NT5C3A: variants seen among roughly 807,000 people sequenced by gnomAD.
NT5C3A encodes 5'-nucleotidase, cytosolic IIIA, also known as cytosolic 5'-nucleotidase 3A.
NT5C3A carries 23 observed loss-of-function variants against 40.0 expected under a neutral mutation model. That is an observed-to-expected ratio of 0.58 (90% CI 0.41 to 0.81). The LOEUF is 0.81. NT5C3A is among the 40% of genes least tolerant of loss of function. NT5C3A has a pLI of 0.00. For missense variants in NT5C3A, 328 were observed against 403.0 expected (o/e 0.81, Z 1.59); for synonymous variants, 130 against 141.4 (o/e 0.92, Z 0.57).
intron 1 of NT5C3A, among the ~76,000 whole-genome samples, chr7:33,034,792 TAG>T (rs147451110): frequency 6.6e-6 from 1 of 151,748 alleles, no homozygotes; most frequent in Admixed American, 6.6e-5. Context: ...AGAAAAAAGC[TAG>T]AGAGAAAGAG....
intron 1 of NT5C3A, 108 bp from the exon 2 acceptor site, chr7:33,027,023 A>G: frequency 1.4e-6 from 1 of 705,310 alleles, no homozygotes. Flanking sequence ...ATATTAAGGC[A>G]TTATTTTTAA....
At chr7:33,034,304 G>A (rs1786461132) in intron 1 of NT5C3A, among the ~76,000 whole-genome samples, 1 of 152,158 alleles carries the variant, frequency 6.6e-6, no homozygotes, top group African/African-American at 2.4e-5. Flanking sequence ...CTGAATAACT[G>A]TGGAGTGAAT....
intron 1 of NT5C3A, chr7:33,035,788 A>G (rs1040056065): frequency 4.2e-6 from 3 of 714,352 alleles, no homozygotes; most frequent in African/African-American, 1.8e-5. Context: ...ATTCAATTCA[A>G]TAAGTATTTG....
At chr7:33,042,877 C>T (rs7795860) in intron 1 of NT5C3A, among the ~76,000 whole-genome samples, 116,178 of 152,140 alleles carry the variant, frequency 0.76, 44,775 homozygotes, top group African/African-American at 0.86. Context: ...GGCCAATATT[C>T]AAATGTTCAC....
At chr7:33,049,969 C>CAAAAA (rs61035673) in intron 1 of NT5C3A, among the ~76,000 whole-genome samples, 10 of 58,454 alleles carry the variant, frequency 1.7e-4, no homozygotes, top group South Asian at 5.2e-4. Context: ...GACTCCATCT[C>CAAAAA]AAAAAAAAAA....
chr7:33,017,479 T>C lies in NT5C3A; in HGVS notation c.653A>G (p.Asn218Ser), dbSNP rs369175085. The change falls in exon 7 of 9, where the codon AAT becomes AGT. Residue 218 changes from asparagine (N) to serine (S), a missense_variant. By Grantham distance (46) the Asn-to-Ser change is conservative (BLOSUM62 1). Coordinates refer to ENST00000610140, the MANE Select transcript of NT5C3A (RefSeq NM_001002010.5). ...CATAAAATTGGACACAACTTTGACA[T>C]TGGGATGATAAACACCAGCTTGACG... is the stretch of plus-strand genomic sequence containing the variant. ...VIRQAGVYHP[N>S]VKVVSNFMDF... 102 of 1,613,460 alleles carry C rather than the reference T, an allele frequency of 6.3e-5. No homozygotes were observed. Among genetic ancestry groups the C allele is most frequent in the Admixed American group, 2.3e-4 (14 of 59,996 alleles).
At chr7:33,028,067 C>G (rs1255429630) in intron 1 of NT5C3A, among the ~76,000 whole-genome samples, 1 of 152,150 alleles carries the variant, frequency 6.6e-6, no homozygotes, top group African/African-American at 2.4e-5. Flanking sequence ...GATCTTTGCT[C>G]TTTTTATTGT....
intron 1 of NT5C3A, 142 bp downstream of exon 1, chr7:33,062,426 A>C (rs1009936149): frequency 2.7e-6 from 2 of 734,888 alleles, no homozygotes; most frequent in African/African-American, 3.7e-5. Context: ...GCGCGTCCCG[A>C]GCTAGCGAGA....
At chr7:33,032,607 C>G (rs1379744610) in intron 1 of NT5C3A, among the ~76,000 whole-genome samples, 1 of 151,612 alleles carries the variant, frequency 6.6e-6, no homozygotes. Context: ...AGGGGCTCAC[C>G]ACCACCCTCG....
chr7:33,036,656 A>G (rs1326245576), intron 1 of NT5C3A, among the ~76,000 whole-genome samples: 4 of 152,208 alleles, frequency 2.6e-5, no homozygotes, highest in Admixed American at 6.5e-5. Context: ...CACTTTCTCT[A>G]CATGTAAGGA....
chr7:33,044,022 CTTTT>C (rs940403112), intron 1 of NT5C3A, among the ~76,000 whole-genome samples: 5 of 148,562 alleles, frequency 3.4e-5, no homozygotes, highest in Admixed American at 6.7e-5. Flanking sequence ...AGTTGGGACA[CTTTT>C]TTTTTTCTTT....
chr7:33,017,360 T>C, intron 7 of NT5C3A, 79 bp downstream of exon 7: 1 of 1,171,000 alleles, frequency 8.5e-7, no homozygotes, highest in Non-Finnish European at 1.2e-6. Flanking sequence ...AGGATATATA[T>C]TAAGTAACAA....
chr7:33,023,838 T>C (rs967810601), intron 3 of NT5C3A: 6 of 563,656 alleles, frequency 1.1e-5, no homozygotes, highest in Non-Finnish European at 1.3e-5. Flanking sequence ...TTCCCTTTGC[T>C]ACCAAAACCA....
rs185578186 is a variant in NT5C3A, at chr7:33,050,151, C to T, written c.138+12417G>A. On this transcript the variant is annotated intron_variant, in intron 1 of 8. Transcript: ENST00000610140. Reference sequence around the variant, plus strand: ...TAACAGAAAATTAGGAAAGTAACTACAGCTAGACTGTGTTTTAAGGACTAA... The same window carrying T: ...TAACAGAAAATTAGGAAAGTAACTATAGCTAGACTGTGTTTTAAGGACTAA... Among the ~76,000 whole-genome samples, 32 of 152,206 alleles carry T rather than the reference C, an allele frequency of 2.1e-4. 1 individual carries two copies. The East Asian group carries it at 2.9e-3, about 14-fold the overall frequency.
At chr7:33,047,234 T>C (rs1787192627) in intron 1 of NT5C3A, among the ~76,000 whole-genome samples, 1 of 152,158 alleles carries the variant, frequency 6.6e-6, no homozygotes, top group African/African-American at 2.4e-5. Flanking sequence ...TAAGTTAAAT[T>C]AAAAATGGCA....
At chr7:33,021,233 A>ATT in intron 5 of NT5C3A, 39 bp downstream of exon 5, 1 of 1,579,402 alleles carries the variant, frequency 6.3e-7, no homozygotes. Context: ...TTGTTTTATT[A>ATT]TTTTTTTTTA....
intron 1 of NT5C3A, among the ~76,000 whole-genome samples, chr7:33,045,062 A>G (rs1787090988): frequency 6.6e-6 from 1 of 152,220 alleles, no homozygotes; most frequent in Non-Finnish European, 1.5e-5. Flanking sequence ...TACCTTTCCA[A>G]CAAGGAATGT....
intron 1 of NT5C3A, among the ~76,000 whole-genome samples, chr7:33,033,894 A>ATATATATATATATAT (rs11437974): frequency 8.1e-6 from 1 of 123,534 alleles, no homozygotes; most frequent in African/African-American, 3.1e-5. Context: ...ATATATATAT[A>ATATATATATATATAT]ATTTTTTTTT....
At chr7:33,052,478 T>C (rs1240417656) in intron 1 of NT5C3A, among the ~76,000 whole-genome samples, 2 of 82,654 alleles carry the variant, frequency 2.4e-5, no homozygotes, top group Admixed American at 3.8e-4. Flanking sequence ...AGAGAGAGAC[T>C]CGGTCTCAAA....
Sources: allele counts gnomAD v4.1 joint callset (sites outside exome capture counted in the v4.1 genomes callset), GRCh38; gene constraint gnomAD v4.1.1; transcripts MANE v1.5; gene names NCBI Gene and HGNC (gene_info 2026-07-23, HGNC 2026-07-21).